RPL34: variants seen among roughly 807,000 people sequenced by gnomAD.
RPL34 encodes ribosomal protein L34, also known as large ribosomal subunit protein eL34.
A neutral mutation model predicts 16.3 loss-of-function variants in RPL34; 2 were observed. The ratio of observed to expected loss-of-function variants is 0.12; its 90% CI spans 0.05 to 0.39. The LOEUF is 0.39. RPL34 is among the 10% of genes least tolerant of loss of function. The pLI is 0.99. For missense variants in RPL34, 82 were observed against 148.8 expected, an observed-to-expected ratio of 0.55 and a Z score of 2.33; for synonymous variants, 47 against 48.5, an observed-to-expected ratio of 0.97 and a Z score of 0.13.
intron 4 of RPL34, among the ~76,000 whole-genome samples, chr4:108,624,068 C>A (rs76881521): frequency 2.9e-5 from 1 of 34,174 alleles, no homozygotes; most frequent in Non-Finnish European, 5.9e-5. Flanking sequence ...GGCTTTTTTT[C>A]CCCCAGTCTT....
At chr4:108,625,011 G>GT (rs1256730194) in intron 4 of RPL34, 117 bp from the exon 5 acceptor site, 23 of 673,650 alleles carry the variant, frequency 3.4e-5, no homozygotes, top group Non-Finnish European at 5.0e-5. Context: ...GTATCCTGTA[G>GT]TTTCCTGGGT....
At chr4:108,628,226 A>G (rs909120812), downstream of RPL34, among the ~76,000 whole-genome samples, 3 of 152,230 alleles carry the variant, frequency 2.0e-5, no homozygotes, top group Non-Finnish European at 2.9e-5. Flanking sequence ...TATCTTGTAT[A>G]ATGTTTAATC....
intron 4 of RPL34, among the ~76,000 whole-genome samples, chr4:108,624,828 A>G (rs1725935026): frequency 6.6e-6 from 1 of 152,322 alleles, no homozygotes; most frequent in South Asian, 2.1e-4. Flanking sequence ...ATCAAGAAAT[A>G]CCACTATTCC....
Position 108,621,954 on chromosome 4 carries a change from C to T in RPL34, c.-6C>T. ...TGTTACTCTATTCTTAATTTAGGCA[C>T]TCAGAATGGTCCAGCGTTTGACATA... On this transcript the variant is annotated 5_prime_UTR_variant, in exon 2 of 5. Transcript: ENST00000394667. The T allele has an allele frequency of 6.2e-7, 1 of 1,604,174 alleles. No homozygotes were observed. Among genetic ancestry groups the T allele is most frequent in the Non-Finnish European group, 8.5e-7 (1 of 1,172,284 alleles).
At chr4:108,628,706 A>C (rs1425986845), downstream of RPL34, among the ~76,000 whole-genome samples, 1 of 152,244 alleles carries the variant, frequency 6.6e-6, no homozygotes, top group South Asian at 2.1e-4. Context: ...TGAGGTGTAC[A>C]TTCTTTTCCA....
rs1185168937 is a variant in RPL34 at position 108,621,968 on chromosome 4, G to C, written c.9G>C (p.Gln3His). ...TAATTTAGGCACTCAGAATGGTCCA[G>C]CGTTTGACATACCGACGTAGGCTTT... MV[Q>H]RLTYRRRLSY... The change falls in exon 2 of 5, where the codon CAG becomes CAC. Residue 3 changes from glutamine to histidine, a missense_variant. Physicochemically the swap from Gln to His is conservative, Grantham distance 24. Coordinates refer to ENST00000394667, the MANE Select transcript of RPL34 (RefSeq NM_001319236.2). 1.2e-6 allele frequency: 2 copies of C among 1,610,800 alleles called. No individual in the cohort carries two copies. The highest frequency in any genetic ancestry group is 2.2e-5 in the South Asian group (2 of 90,946).
chr4:108,623,775 T>C (rs1281178237), intron 4 of RPL34, among the ~76,000 whole-genome samples: 1 of 152,174 alleles, frequency 6.6e-6, no homozygotes, highest in Non-Finnish European at 1.5e-5. Flanking sequence ...AGGAGGTAGA[T>C]TGTAAGAGAA....
At chr4:108,627,199 A>G (rs1408611451), downstream of RPL34, among the ~76,000 whole-genome samples, 1 of 151,982 alleles carries the variant, frequency 6.6e-6, no homozygotes, top group East Asian at 1.9e-4. Flanking sequence ...AGATCGCGCC[A>G]CTGTACTCTC....
intron 4 of RPL34, 33 bp downstream of exon 4, chr4:108,622,651 C>A: frequency 7.4e-7 from 1 of 1,353,242 alleles, no homozygotes; most frequent in Non-Finnish European, 1.0e-6. Context: ...CTTTCCTTAG[C>A]AAATTATTGT....
At chr4:108,621,906 A>G in intron 1 of RPL34, 45 bp from the exon 2 acceptor site, 2 of 1,277,592 alleles carry the variant, frequency 1.6e-6, no homozygotes, top group South Asian at 1.2e-5. Context: ...GATTTTATTT[A>G]CTTTTACAAT....
chr4:108,628,488 A>G (rs1726084756), downstream of RPL34, among the ~76,000 whole-genome samples: 1 of 152,198 alleles, frequency 6.6e-6, no homozygotes. Flanking sequence ...TTGAGATGTA[A>G]TTTCTGAAAA....
chr4:108,622,500 A>T lies in RPL34; in HGVS notation c.166-15A>T, dbSNP rs757695018. 11 of 1,593,174 alleles carry T rather than the reference A, an allele frequency of 6.9e-6. No homozygotes were observed. In the African/African-American group the frequency reaches 9.4e-5, roughly 14 times the overall value. On this transcript the variant is annotated splice_polypyrimidine_tract_variant and intron_variant, in intron 3 of 4. Coordinates refer to ENST00000394667, the MANE Select transcript of RPL34 (RefSeq NM_001319236.2). Reference sequence around the variant, plus strand: ...GTTAAAGCATCACAAAAATCTTAATATTTTTCTTATGCAGGTTCGTGCTGT... The same window carrying T: ...GTTAAAGCATCACAAAAATCTTAATTTTTTTCTTATGCAGGTTCGTGCTGT...
intron 4 of RPL34, among the ~76,000 whole-genome samples, chr4:108,624,371 T>C (rs1049891835): frequency 2.6e-5 from 4 of 152,080 alleles, no homozygotes; most frequent in African/African-American, 9.7e-5. Flanking sequence ...GGTTTACCAA[T>C]GGGAAATGGG....
chr4:108,622,018 C>G lies in RPL34; in HGVS notation c.59C>G (p.Thr20Ser). 1 of 1,611,582 alleles carries G rather than the reference C, an allele frequency of 6.2e-7. No homozygotes were observed. The stretch of plus-strand genomic sequence containing the variant: ...TCCTACAATACAGCCTCTAACAAAA[C>G]TAGGCTGTAAGTATTTCTGAAAATT... ...RLSYNTASNK[T>S]RLSRTPGNRI... The change falls in exon 2 of 5, where the codon ACT (threonine) becomes AGT (serine). Residue 20 changes from threonine to serine, a missense_variant. By Grantham distance (58) the Thr-to-Ser change is moderately conservative (BLOSUM62 1). Coordinates refer to ENST00000394667, the MANE Select transcript of RPL34 (RefSeq NM_001319236.2).
intron 4 of RPL34, among the ~76,000 whole-genome samples, chr4:108,623,657 C>T (rs868180530): frequency 6.6e-5 from 10 of 152,156 alleles, no homozygotes; most frequent in African/African-American, 2.4e-4. Context: ...CTGTCAGCCT[C>T]GACCTCCCAA....
intron 3 of RPL34, 81 bp from the exon 4 acceptor site, chr4:108,622,434 A>C (rs1237850054): frequency 1.9e-5 from 20 of 1,054,946 alleles, no homozygotes; most frequent in Non-Finnish European, 2.9e-5. Flanking sequence ...AACCTACTTT[A>C]AACTTGCCCT....
downstream of RPL34, among the ~76,000 whole-genome samples, chr4:108,628,602 A>G (rs192617547): frequency 3.9e-5 from 6 of 152,346 alleles, no homozygotes; most frequent in East Asian, 1.2e-3. Flanking sequence ...GTAGAACAAC[A>G]TGACTGGACA....
downstream of RPL34, among the ~76,000 whole-genome samples, chr4:108,628,540 A>C (rs1278749691): frequency 5.3e-5 from 8 of 152,170 alleles, no homozygotes; most frequent in Non-Finnish European, 8.8e-5. Context: ...CCCCAACCTG[A>C]GTTCTTGCTG....
At chr4:108,623,110 A>G (rs1262739952) in intron 4 of RPL34, 2 of 152,466 alleles carry the variant, frequency 1.3e-5, no homozygotes, top group Non-Finnish European at 2.9e-5. Flanking sequence ...AGGCAGGCAG[A>G]TACCTGAGGT....
Sources: allele counts gnomAD v4.1 joint callset (sites outside exome capture counted in the v4.1 genomes callset), GRCh38; gene constraint gnomAD v4.1.1; transcripts MANE v1.5; gene names NCBI Gene and HGNC (gene_info 2026-07-23, HGNC 2026-07-21).